ARHGAP32: variants seen among roughly 807,000 people sequenced by gnomAD.
ARHGAP32 encodes the protein rho GTPase-activating protein 32.
A neutral mutation model predicts 186.5 loss-of-function variants in ARHGAP32; 51 were observed. The ratio of observed to expected loss-of-function variants is 0.27; its 90% confidence interval spans 0.22 to 0.35. The LOEUF is 0.35. Among genes scored for constraint, ARHGAP32 ranks in the 10% least tolerant of loss-of-function variants. The probability of loss-of-function intolerance (pLI) is 1.00; values close to 1 mark genes in which losing one functional copy is unlikely to be tolerated. For synonymous variants in ARHGAP32, 950 were observed against 964.3 expected (o/e 0.99, Z 0.27); for missense variants, 2,186 against 2,623.5 (o/e 0.83, Z 3.64).
intron 6 of ARHGAP32, among the ~76,000 whole-genome samples, chr11:129,076,248 T>C (rs554503832): frequency 1.9e-4 from 29 of 152,142 alleles, no homozygotes; most frequent in Non-Finnish European, 3.5e-4. Context: ...TTACTTAGCA[T>C]ACAATCAAGA....
chr11:129,217,713 G>C (rs1308071017), intron 1 of ARHGAP32, among the ~76,000 whole-genome samples: 5 of 151,984 alleles, frequency 3.3e-5, no homozygotes, highest in African/African-American at 4.8e-5. Context: ...AAATGACTAA[G>C]AAAACAAGTT....
intron 2 of ARHGAP32, among the ~76,000 whole-genome samples, chr11:129,143,720 G>A (rs1943111881): frequency 7.0e-6 from 1 of 142,366 alleles, no homozygotes; most frequent in Non-Finnish European, 1.6e-5. Flanking sequence ...AACTTAATAA[G>A]GAAAGAAAAG....
chr11:128,969,539 T>G lies in ARHGAP32; in HGVS notation c.5674A>C (p.Arg1892=). Residue 1892 remains arginine, a synonymous_variant, in exon 23 of 23, where the codon AGG becomes CGG. Transcript: ENST00000682385. The surrounding 1 kb of genome is among the most constrained non-coding windows in gnomAD (Gnocchi z 4.8). ...CTATGGCTTGCTTCTTGGTGTGCCC[T>G]GTGCTCAGGAAGACTGCAGCCCATG... ...PDMGCSLPEH[R]AHQEASHRQF... is the part of the protein sequence containing the mutation. The G allele has an allele frequency of 6.2e-7, 1 of 1,614,160 alleles. No individual in the cohort carries two copies. Among genetic ancestry groups the G allele is most frequent in the Non-Finnish European group, 8.5e-7 (1 of 1,180,030 alleles).
intron 8 of ARHGAP32, 44 bp from the exon 9 acceptor site, chr11:129,064,068 G>A: frequency 1.3e-6 from 2 of 1,523,870 alleles, no homozygotes; most frequent in East Asian, 2.3e-5. Context: ...CACTGGACTT[G>A]CAAATGCTTC....
At chr11:129,041,242 T>G (rs1174084765) in intron 10 of ARHGAP32, among the ~76,000 whole-genome samples, 1 of 152,254 alleles carries the variant, frequency 6.6e-6, no homozygotes, top group African/African-American at 2.4e-5. Flanking sequence ...TCTGCTTTTT[T>G]CCTTTTAGTT....
intron 10 of ARHGAP32, among the ~76,000 whole-genome samples, chr11:129,052,325 T>G (rs1336455638): frequency 6.6e-6 from 1 of 152,220 alleles, no homozygotes; most frequent in Non-Finnish European, 1.5e-5. Flanking sequence ...TAGTAAATCT[T>G]CAGTTAGTGT....
intron 10 of ARHGAP32, among the ~76,000 whole-genome samples, chr11:129,061,397 G>A (rs1424556802): frequency 1.3e-5 from 2 of 152,164 alleles, no homozygotes; most frequent in African/African-American, 2.4e-5. Flanking sequence ...GGGAATGCCT[G>A]AAATCACAGA....
At chr11:129,030,372 G>A (rs1213460213) in intron 11 of ARHGAP32, 1 of 152,086 alleles carries the variant, frequency 6.6e-6, no homozygotes, top group East Asian at 1.9e-4. Context: ...AAAACAACTG[G>A]AATTAGGTAA....
At chr11:129,041,688 C>T (rs1003274994) in intron 10 of ARHGAP32, among the ~76,000 whole-genome samples, 5 of 152,160 alleles carry the variant, frequency 3.3e-5, no homozygotes, top group Non-Finnish European at 5.9e-5. Context: ...AGTAGCAGAA[C>T]CGCAGGCATT....
chr11:129,094,748 C>A (rs1941682319), intron 5 of ARHGAP32, among the ~76,000 whole-genome samples: 2 of 152,176 alleles, frequency 1.3e-5, no homozygotes, highest in Admixed American at 6.5e-5. Context: ...ATGTTACACA[C>A]CTGCCCCATC....
In ARHGAP32 at chr11:128,970,313, A is replaced by G. The variant is rs1304539485; in HGVS notation, c.4900T>C (p.Tyr1634His). Residue 1634 changes from tyrosine (Y) to histidine (H), a missense_variant, in exon 23 of 23, where the codon TAT becomes CAT. Tyr to His is a moderately conservative substitution (Grantham distance 83). Around this residue, in one of 5 missense-constraint regions of ARHGAP32, gnomAD observed 1,502 missense variants for 1,570.0 expected, o/e 0.96. Transcript: ENST00000682385. This position sits in a 1 kb window ranked among gnomAD's most constrained non-coding sequence, Gnocchi z 5.8. ...GCCTGGGAGGACTGATATGGCTTAT[A>G]TTGGTACAGAGGTCTTGGGCAGTAG... The part of the protein sequence containing the change: ...PAYCPRPLYQ[Y>H]KPYQSSQARS... 1 of 1,614,126 alleles carries G rather than the reference A, an allele frequency of 6.2e-7. No homozygotes were observed. The highest frequency in any genetic ancestry group is 1.7e-5 in the Admixed American group (1 of 60,012).
chr11:129,277,245 T>C (rs1295486958), intron 1 of ARHGAP32, among the ~76,000 whole-genome samples: 1 of 144,694 alleles, frequency 6.9e-6, no homozygotes, highest in Non-Finnish European at 1.5e-5. Context: ...AGAGAGAAAG[T>C]AGAGATGAAT....
At chr11:129,240,830 G>T (rs538577705) in intron 1 of ARHGAP32, among the ~76,000 whole-genome samples, 2 of 152,200 alleles carry the variant, frequency 1.3e-5, no homozygotes, top group African/African-American at 4.8e-5. Context: ...AAAAAATTTT[G>T]AGTCTGCAAA....
intron 11 of ARHGAP32, among the ~76,000 whole-genome samples, chr11:128,999,756 C>T (rs1946304271): frequency 6.6e-6 from 1 of 152,164 alleles, no homozygotes; most frequent in African/African-American, 2.4e-5. Flanking sequence ...TATCTTCTCA[C>T]CACCTTACCT....
intron 2 of ARHGAP32, among the ~76,000 whole-genome samples, chr11:129,132,107 A>G (rs949608456): frequency 6.6e-6 from 1 of 152,148 alleles, no homozygotes; most frequent in East Asian, 1.9e-4. Flanking sequence ...TAAAACTCTT[A>G]AAGAATTTCA....
rs761102484 is a variant in ARHGAP32 at position 128,974,193 on chromosome 11, G to T, written c.3004C>A (p.Pro1002Thr). The stretch of plus-strand genomic sequence containing the variant: ...GAGACAGACTGATCCTCTTTCCCTG[G>T]CAATTCTACTTCTTCAGCAGCCACC... ...DQVAAEEVEL[P>T]GKEDQSVSSS... Residue 1002 changes from proline (P) to threonine (T), a missense_variant, in exon 21 of 23, where the codon CCA becomes ACA. Around this residue, in one of 5 missense-constraint regions of ARHGAP32, gnomAD observed 1,502 missense variants for 1,570.0 expected, o/e 0.96. Coordinates refer to ENST00000682385, the MANE Select transcript of ARHGAP32 (RefSeq NM_001378024.1). 4.5e-5 allele frequency: 73 copies of T among 1,614,030 alleles called. No individual in the cohort carries two copies. The highest frequency in any genetic ancestry group is 4.2e-6 in the Non-Finnish European group (5 of 1,180,034).
chr11:129,169,203 C>T (rs1371922497), intron 1 of ARHGAP32, among the ~76,000 whole-genome samples: 1 of 151,748 alleles, frequency 6.6e-6, no homozygotes, highest in Non-Finnish European at 1.5e-5. Flanking sequence ...GAAAACAAAG[C>T]CAAAGGTTGA....
In ARHGAP32 at chr11:129,164,387, CA is replaced by C; in HGVS notation, c.156del (p.Phe52LeufsTer48). 1 of 1,578,268 alleles carries C rather than the reference CA, an allele frequency of 6.3e-7. No homozygotes were observed. Among genetic ancestry groups the C allele is most frequent in the South Asian group, 1.2e-5 (1 of 85,850 alleles). On this transcript the variant is annotated frameshift_variant, in exon 2 of 23. Transcript: ENST00000682385. LOFTEE classifies it high-confidence loss of function. Reference protein sequence around the residue: ...KSSVHSEEDDFVPELHRNVHP... With the variant: ...KSSVHSEEDDXVPELHRNVHP... ...TGTACATTTCTATGTAGCTCTGGAA[CA>C]AAATCATCTTCTTCAGAATGTACTG...
At chr11:129,037,592 G>A (rs76760973) in intron 11 of ARHGAP32, among the ~76,000 whole-genome samples, 1,790 of 151,884 alleles carry the variant, frequency 0.012, 55 homozygotes, top group African/African-American at 0.041. Flanking sequence ...AATATTTCCC[G>A]AGTTGATCTA....
Sources: gnomAD v4.1 joint callset for allele counts (sites outside exome capture counted in the v4.1 genomes callset) on GRCh38, gnomAD v4.1.1 for gene constraint, gnomAD v4.1.1 regional missense constraint, Gnocchi (gnomAD v3.1) non-coding constraint, MANE v1.5 for transcripts, NCBI Gene and HGNC (gene_info 2026-07-23, HGNC 2026-07-21) for gene names.